ACAP2: variants seen among roughly 807,000 people sequenced by gnomAD.
ACAP2 encodes ArfGAP with coiled-coil, ankyrin repeat and PH domains 2.
ACAP2 carries 39 observed loss-of-function variants against 115.8 expected under a neutral mutation model. The ratio of observed to expected loss-of-function variants is 0.34; its 90% CI spans 0.26 to 0.44. The LOEUF (loss-of-function observed/expected upper bound fraction) is 0.44. Ranked by LOEUF, ACAP2 falls within the 20% of genes least tolerant of loss-of-function variation. ACAP2 has a pLI of 1.00. For missense variants in ACAP2, 662 were observed against 927.6 expected, an observed-to-expected ratio of 0.71 and a Z score of 3.72; for synonymous variants, 289 against 315.8, an observed-to-expected ratio of 0.92 and a Z score of 0.90.
chr3:195,345,259 T>G lies in ACAP2; in HGVS notation c.344A>C (p.Glu115Ala). ...IKAQLQNFVK[E>A]DLRKFKDAKK... is the part of the protein sequence containing the mutation. ...TTCCTCTTCACCGCAATTGACTTACTCTTTAACAAAGTTCTGAAGCTGTGC... is the reference window on the plus strand; with the variant it reads ...TTCCTCTTCACCGCAATTGACTTACGCTTTAACAAAGTTCTGAAGCTGTGC... Residue 115 changes from glutamate (E) to alanine (A), a missense_variant and splice_region_variant, in exon 5 of 23, where the codon GAA becomes GCA. Around this residue, in one of 3 missense-constraint regions of ACAP2, gnomAD observed 401 missense variants for 604.4 expected, o/e 0.66. Transcript: ENST00000326793. 1 of 1,608,276 alleles carries G rather than the reference T, an allele frequency of 6.2e-7. No individual in the cohort carries two copies. The highest frequency in any genetic ancestry group is 8.5e-7 in the Non-Finnish European group (1 of 1,175,440).
At chr3:195,288,089 A>G (rs562682547) in intron 21 of ACAP2, among the ~76,000 whole-genome samples, 1 of 151,928 alleles carries the variant, frequency 6.6e-6, no homozygotes, top group Admixed American at 6.5e-5. Flanking sequence ...ACAAGAGCAA[A>G]ACTCTGTCTC....
intron 9 of ACAP2, among the ~76,000 whole-genome samples, 198 bp from the exon 10 acceptor site, chr3:195,321,011 T>C (rs937253222): frequency 2.0e-5 from 3 of 152,144 alleles, no homozygotes; most frequent in East Asian, 3.8e-4. Flanking sequence ...TATTTGACTT[T>C]AGTGGATTAT....
At chr3:195,365,837 AGTAAT>A in intron 4 of ACAP2, among the ~76,000 whole-genome samples, 1 of 144,226 alleles carries the variant, frequency 6.9e-6, no homozygotes, top group East Asian at 2.0e-4. Flanking sequence ...ATCTGCCTAT[AGTAAT>A]TTTTTTTTTT....
At chr3:195,300,103 G>A (rs1727948808) in intron 15 of ACAP2, among the ~76,000 whole-genome samples, 1 of 146,876 alleles carries the variant, frequency 6.8e-6, no homozygotes, top group African/African-American at 2.6e-5. Flanking sequence ...CCGGAGTGCA[G>A]TGGTGCGATC....
At chr3:195,407,714 T>C (rs183308744) in intron 1 of ACAP2, among the ~76,000 whole-genome samples, 8 of 151,984 alleles carry the variant, frequency 5.3e-5, no homozygotes, top group Non-Finnish European at 1.2e-4. Context: ...AAAAGAAAGA[T>C]AGATCTCAGA....
chr3:195,340,397 T>TACCTCTGGGGAAAAAACATTTGGTC (rs1398484800), intron 6 of ACAP2, among the ~76,000 whole-genome samples: 2 of 152,060 alleles, frequency 1.3e-5, no homozygotes, highest in East Asian at 3.9e-4. Flanking sequence ...GAGAACAAAG[T>TACCTCTGGGGAAAAAACATTTGGTC]ACCTCTGGGG....
At chr3:195,323,194 T>C (rs1386202062) in intron 9 of ACAP2, among the ~76,000 whole-genome samples, 2 of 152,018 alleles carry the variant, frequency 1.3e-5, no homozygotes, top group African/African-American at 4.8e-5. Flanking sequence ...AAACCATTAT[T>C]ACCACTCTCA....
chr3:195,333,795 A>G (rs1730326424), intron 7 of ACAP2, among the ~76,000 whole-genome samples: 1 of 152,216 alleles, frequency 6.6e-6, no homozygotes, highest in South Asian at 2.1e-4. Flanking sequence ...AAAAAAGACA[A>G]AAAGATAAGA....
intron 1 of ACAP2, among the ~76,000 whole-genome samples, chr3:195,413,767 CAAAG>C (rs1170512475): frequency 1.3e-5 from 2 of 151,370 alleles, no homozygotes; most frequent in Non-Finnish European, 3.0e-5. Context: ...CAAAAACAAA[CAAAG>C]AAACCCACTG....
At chr3:195,431,016 AC>A (rs5855625) in intron 1 of ACAP2, among the ~76,000 whole-genome samples, 3,229 of 152,102 alleles carry the variant, frequency 0.021, 114 homozygotes, top group East Asian at 0.097. Flanking sequence ...CCCAAAAGAA[AC>A]CCCATATCCG....
chr3:195,287,141 G>C (rs1357248051), intron 21 of ACAP2, among the ~76,000 whole-genome samples: 1 of 152,190 alleles, frequency 6.6e-6, no homozygotes, highest in Non-Finnish European at 1.5e-5. Flanking sequence ...GGGGGGATAA[G>C]CAATTATGGG....
intron 4 of ACAP2, among the ~76,000 whole-genome samples, chr3:195,354,668 C>G (rs1731836648): frequency 6.6e-6 from 1 of 152,172 alleles, no homozygotes; most frequent in Admixed American, 6.5e-5. Flanking sequence ...TGCAGAAACT[C>G]TTTAATTAGA....
chr3:195,357,821 G>C (rs1732081272), intron 4 of ACAP2: 1 of 152,338 alleles, frequency 6.6e-6, no homozygotes. Context: ...TCACAGTTCT[G>C]CATGGCTGGG....
In ACAP2 at chr3:195,349,272, G is replaced by A. The variant is rs965666278; in HGVS notation, c.286-3955C>T. 2.6e-5 allele frequency among the ~76,000 whole-genome samples: 4 copies of A among 151,900 alleles called. No individual in the cohort carries two copies. In the East Asian group the frequency reaches 5.8e-4, roughly 22 times the overall value. Reference sequence around the variant, plus strand: ...CAAAGCGGGCAGATCACCTGAGGTCGGGAGTTTGAGACCAGCCTGACCAAC... The same window carrying A: ...CAAAGCGGGCAGATCACCTGAGGTCAGGAGTTTGAGACCAGCCTGACCAAC... On this transcript the variant is annotated intron_variant, in intron 4 of 22. Coordinates refer to ENST00000326793, the MANE Select transcript of ACAP2 (RefSeq NM_012287.6).
intron 2 of ACAP2, among the ~76,000 whole-genome samples, chr3:195,389,333 T>C (rs1734504443): frequency 6.6e-6 from 1 of 152,136 alleles, no homozygotes; most frequent in Non-Finnish European, 1.5e-5. Context: ...AACAGCAAAA[T>C]AATCAGCAAA....
intron 4 of ACAP2, among the ~76,000 whole-genome samples, chr3:195,347,011 G>C (rs1033292748): frequency 1.3e-5 from 2 of 152,038 alleles, no homozygotes; most frequent in African/African-American, 4.8e-5. Flanking sequence ...CTGGGGAGTT[G>C]ATGGAACTGT....
At chr3:195,381,812 A>G (rs1000738276) in intron 3 of ACAP2, 91 bp downstream of exon 3, 5 of 1,423,946 alleles carry the variant, frequency 3.5e-6, no homozygotes, top group Admixed American at 2.3e-5. Context: ...AAGTATCACC[A>G]TAACTATAAA....
At chr3:195,336,367 T>C (rs1730509880) in intron 7 of ACAP2, 1 of 152,172 alleles carries the variant, frequency 6.6e-6, no homozygotes, top group Admixed American at 6.5e-5. Flanking sequence ...TGACCCACCA[T>C]CAACTTTAAG....
intron 18 of ACAP2, 86 bp downstream of exon 18, chr3:195,294,633 T>TATATATATATATATAA (rs1560209956): frequency 4.8e-6 from 1 of 208,692 alleles, no homozygotes; most frequent in East Asian, 1.4e-4. Flanking sequence ...ATATATATAA[T>TATATATATATATATAA]TTTTTTTTTA....
Sources: allele counts gnomAD v4.1 joint callset (sites outside exome capture counted in the v4.1 genomes callset), GRCh38; gene constraint gnomAD v4.1.1; regional missense constraint gnomAD v4.1.1; transcripts MANE v1.5; gene names NCBI Gene and HGNC (gene_info 2026-07-23, HGNC 2026-07-21).